ZNF268: variants seen among roughly 807,000 people sequenced by gnomAD.
ZNF268 encodes the protein zinc finger protein 3.
ZNF268 carries 20 observed loss-of-function variants against 29.3 expected under a neutral mutation model. That is an observed-to-expected ratio of 0.68 (90% CI 0.48 to 0.99). The LOEUF (loss-of-function observed/expected upper bound fraction) is 0.99, where lower values mean the gene tolerates loss of function less well. Ranked by LOEUF, ZNF268 falls within the 50% of genes least tolerant of loss-of-function variation. The pLI is 0.00. For missense variants in ZNF268, 1,240 were observed against 1,121.6 expected (o/e 1.11, Z -1.51); for synonymous variants, 429 against 376.9 (o/e 1.14, Z -1.60).
chr12:133,190,877 T>C (rs151202602), intron 3 of ZNF268, among the ~76,000 whole-genome samples: 223 of 152,346 alleles, frequency 1.5e-3, no homozygotes, highest in Middle Eastern at 6.8e-3. Flanking sequence ...ATTTCATTTA[T>C]GTTTATATTC....
chr12:133,211,364 C>T lies in ZNF268; in HGVS notation c.*6834C>T, dbSNP rs918757841. ...TGGGAGGCCGAGGCGGGCAGATCAC[C>T]TGAGGTCCGGAGTTCGAGACCAGCC... On this transcript the variant is annotated 3_prime_UTR_variant, in exon 6 of 6. Coordinates refer to ENST00000536435, the MANE Select transcript of ZNF268 (RefSeq NM_003415.3). 2.7e-5 allele frequency: 8 copies of T among 300,856 alleles called. No homozygotes were observed. The highest frequency in any genetic ancestry group is 4.6e-5 in the Non-Finnish European group (7 of 153,606). 18.6% of individuals were successfully genotyped at this position (300,856 alleles called of 1,614,324 possible).
At chr12:133,199,630 C>T (rs1956701587) in intron 5 of ZNF268, among the ~76,000 whole-genome samples, 1 of 151,970 alleles carries the variant, frequency 6.6e-6, no homozygotes, top group African/African-American at 2.4e-5. Context: ...CCTCCTTGTA[C>T]CTCTGGTAGA....
At chr12:133,182,499 G>A (rs983671527) in intron 2 of ZNF268, among the ~76,000 whole-genome samples, 2 of 152,250 alleles carry the variant, frequency 1.3e-5, no homozygotes, top group East Asian at 3.9e-4. Flanking sequence ...AGGAATGGTG[G>A]ATAAGAAAGA....
At chr12:133,183,183 A>G (rs1029670164) in intron 2 of ZNF268, among the ~76,000 whole-genome samples, 1 of 152,214 alleles carries the variant, frequency 6.6e-6, no homozygotes, top group African/African-American at 2.4e-5. Context: ...CCATGGAAAA[A>G]TTGTCCTCCA....
rs1956785886 is a variant in ZNF268, at chr12:133,202,728, G to A, written c.1042G>A (p.Val348Ile). Residue 348 changes from valine to isoleucine, a missense_variant, in exon 6 of 6, where the codon GTT becomes ATT. Val to Ile is a conservative substitution (Grantham distance 29). This residue lies in a region of ZNF268 where 1,177 missense variants were observed against 1,039.6 expected (regional missense o/e 1.13). Coordinates refer to ENST00000536435, the MANE Select transcript of ZNF268 (RefSeq NM_003415.3). ...RKTFSFHSQL[V>I]IHQRIHTGEN... ...AACATTCAGTTTCCATTCACAGCTT[G>A]TTATACATCAGAGAATTCACACAGG... is the stretch of plus-strand genomic sequence containing the variant. The A allele has an allele frequency of 6.2e-7, 1 of 1,611,714 alleles. No individual in the cohort carries two copies. The highest frequency in any genetic ancestry group is 8.5e-7 in the Non-Finnish European group (1 of 1,179,186).
chr12:133,204,695 C>CCTG lies in ZNF268; in HGVS notation c.*165_*166insCTG. 1.9e-6 allele frequency: 1 copy of CCTG among 539,650 alleles called. No individual in the cohort carries two copies. The highest frequency in any genetic ancestry group is 1.9e-5 in the African/African-American group (1 of 51,654). 33.4% of individuals were successfully genotyped at this position (539,650 alleles called of 1,614,324 possible). ...GGAAAGGCATCCACAGAAAGCTGTT[C>CCTG]TTTACATGCAAAAAGATAGTAGACA... is the stretch of plus-strand genomic sequence containing the variant. On this transcript the variant is annotated 3_prime_UTR_variant, in exon 6 of 6. Transcript: ENST00000536435.
chr12:133,192,436 G>T (rs1375757060), intron 5 of ZNF268, among the ~76,000 whole-genome samples: 2 of 152,000 alleles, frequency 1.3e-5, no homozygotes, highest in Admixed American at 6.6e-5. Context: ...CTTCTCGTTG[G>T]CACCCTTATT....
At chr12:133,200,152 C>T (rs1956716070) in intron 5 of ZNF268, among the ~76,000 whole-genome samples, 1 of 151,996 alleles carries the variant, frequency 6.6e-6, no homozygotes, top group South Asian at 2.1e-4. Flanking sequence ...CCTGCTTTCC[C>T]TTGTGGGCAT....
intron 5 of ZNF268, among the ~76,000 whole-genome samples, chr12:133,192,576 A>C (rs545776107): frequency 6.6e-6 from 1 of 152,316 alleles, no homozygotes; most frequent in East Asian, 1.9e-4. Context: ...AATTACATTT[A>C]AATCCCTTAC....
intron 1 of ZNF268, 51 bp from the exon 2 acceptor site, chr12:133,181,895 G>C: frequency 7.6e-7 from 1 of 1,315,914 alleles, no homozygotes; most frequent in South Asian, 1.3e-5. Flanking sequence ...TCCCCCTCTG[G>C]GTTTGGGGAC....
At chr12:133,199,279 A>C (rs1189728021) in intron 5 of ZNF268, among the ~76,000 whole-genome samples, 1 of 152,206 alleles carries the variant, frequency 6.6e-6, no homozygotes. Flanking sequence ...CCTTCTCTGC[A>C]TCTATTGAGA....
At chr12:133,196,948 C>G (rs1001687790) in intron 5 of ZNF268, among the ~76,000 whole-genome samples, 3 of 150,874 alleles carry the variant, frequency 2.0e-5, no homozygotes, top group African/African-American at 7.3e-5. Flanking sequence ...ATCCCCTGAT[C>G]TGCTCTGCTT....
Position 133,187,940 on chromosome 12 carries a change from C to A in ZNF268, c.102C>A (p.Ile34=). ...RIRKLQGQES[I]LGQGTPGLQP... Reference sequence around the variant, plus strand: ...GAAAGCTCCAAGGTCAGGAATCCATCTTGGGCCAAGGGACTCCTGGTCTGC... The same window carrying A: ...GAAAGCTCCAAGGTCAGGAATCCATATTGGGCCAAGGGACTCCTGGTCTGC... Residue 34 remains isoleucine (I), a synonymous_variant, in exon 3 of 6, where the codon ATC becomes ATA. Coordinates refer to ENST00000536435, the MANE Select transcript of ZNF268 (RefSeq NM_003415.3). 6.2e-7 allele frequency: 1 copy of A among 1,600,620 alleles called. No homozygotes were observed.
At chr12:133,190,339 A>G (rs1261604617) in intron 3 of ZNF268, among the ~76,000 whole-genome samples, 2 of 152,204 alleles carry the variant, frequency 1.3e-5, no homozygotes, top group African/African-American at 4.8e-5. Flanking sequence ...GCTGGATTAT[A>G]TGGTAAGACT....
At chr12:133,188,408 G>A (rs985395140) in intron 3 of ZNF268, among the ~76,000 whole-genome samples, 1 of 151,964 alleles carries the variant, frequency 6.6e-6, no homozygotes, top group Non-Finnish European at 1.5e-5. Flanking sequence ...TGTGGCTCAG[G>A]CTGGTCATCA....
In ZNF268 at chr12:133,204,510, CAT is replaced by C; in HGVS notation, c.2825_2826del (p.His942ArgfsTer3). ...KSQLIMHQRT[H>X]VDDKH ...ACAGCTCATTATGCATCAGAGAACT[CAT>C]GTAGATGACAAACATTGATAATTTT... On this transcript the variant is annotated frameshift_variant, in exon 6 of 6. Coordinates refer to ENST00000536435, the MANE Select transcript of ZNF268 (RefSeq NM_003415.3). LOFTEE classifies it high-confidence loss of function. The C allele has an allele frequency of 2.0e-6, 3 of 1,510,006 alleles. No individual in the cohort carries two copies. Among genetic ancestry groups the C allele is most frequent in the South Asian group, 1.3e-5 (1 of 79,434 alleles). The allele number at this position is 1,510,006 out of a possible 1,614,324, so 93.5% of individuals were successfully genotyped here. A position where few individuals can be genotyped will look rare whatever the true frequency, so the allele number is the denominator to read the frequency against.
rs77237055 is a variant in ZNF268, at chr12:133,184,440, C to T, written c.33+2410C>T. On this transcript the variant is annotated intron_variant, in intron 2 of 5. Transcript: ENST00000536435. ...CTTTCAAGATGGCACTTTCTTGCTA[C>T]ATCCTTACATGGTGGAAGGGGGCAA... Among the ~76,000 whole-genome samples, 878 of 152,196 alleles carry T rather than the reference C, an allele frequency of 5.8e-3. 3 individuals carry two copies. Among genetic ancestry groups the T allele is most frequent in the East Asian group, 0.021 (110 of 5,166 alleles).
At position 133,214,104 on chromosome 12, in the gene ZNF268, C is replaced by G. The variant is rs577069197; in HGVS notation, c.*9574C>G. Reference sequence around the variant, plus strand: ...ACAACCCAACAACAAAAAGACAACCCAATATCAAAATGGGCAGAGGACTTG... The same window carrying G: ...ACAACCCAACAACAAAAAGACAACCGAATATCAAAATGGGCAGAGGACTTG... On this transcript the variant is annotated 3_prime_UTR_variant, in exon 6 of 6. Coordinates refer to ENST00000536435, the MANE Select transcript of ZNF268 (RefSeq NM_003415.3). 4 of 152,026 alleles carry G rather than the reference C, an allele frequency of 2.6e-5. No individual in the cohort carries two copies. Among genetic ancestry groups the G allele is most frequent in the Non-Finnish European group, 5.9e-5 (4 of 68,018 alleles). The allele number at this position is 152,026 out of a possible 1,614,324, so 9.4% of individuals were successfully genotyped here. A position where few individuals can be genotyped will look rare whatever the true frequency, so the allele number is the denominator to read the frequency against.
At position 133,203,378 on chromosome 12, in the gene ZNF268, C is replaced by T; in HGVS notation, c.1692C>T (p.Ala564=). The part of the protein sequence containing the change: ...NPYECHECGK[A]FSRKYQLISH... ...ATGAATGCCATGAATGTGGGAAAGCCTTCAGTCGGAAATACCAGCTTATTT... is the reference window on the plus strand; with the variant it reads ...ATGAATGCCATGAATGTGGGAAAGCTTTCAGTCGGAAATACCAGCTTATTT... Residue 564 remains alanine (A), a synonymous_variant, in exon 6 of 6, where the codon GCC becomes GCT. Transcript: ENST00000536435. 1 of 1,548,488 alleles carries T rather than the reference C, an allele frequency of 6.5e-7. No individual in the cohort carries two copies. The highest frequency in any genetic ancestry group is 8.7e-7 in the Non-Finnish European group (1 of 1,151,332).
Sources: allele counts gnomAD v4.1 joint callset (sites outside exome capture counted in the v4.1 genomes callset), GRCh38; gene constraint gnomAD v4.1.1; regional missense constraint gnomAD v4.1.1; transcripts MANE v1.5; gene names NCBI Gene and HGNC (gene_info 2026-07-23, HGNC 2026-07-21).